Variants in PTPRT observed in about 807,000 individuals in gnomAD.
PTPRT encodes the protein protein tyrosine phosphatase receptor type T.
A neutral mutation model predicts 176.8 loss-of-function variants in PTPRT; 56 were observed. The observed-to-expected ratio is 0.32, with a 90% CI of 0.26 to 0.40. The LOEUF (loss-of-function observed/expected upper bound fraction) is 0.40, where lower values mean the gene tolerates loss of function less well. PTPRT is among the 10% of genes least tolerant of loss of function. The pLI is 1.00. For missense variants in PTPRT, 1,540 were observed against 1,908.2 expected (o/e 0.81, Z 3.60); for synonymous variants, 783 against 739.0 (o/e 1.06, Z -0.96).
intron 18 of PTPRT, among the ~76,000 whole-genome samples, chr20:42,133,578 G>T (rs1433271450): frequency 6.6e-6 from 1 of 152,124 alleles, no homozygotes; most frequent in Non-Finnish European, 1.5e-5. Flanking sequence ...GATGTTTAAG[G>T]CCGTGAAACT....
intron 1 of PTPRT, among the ~76,000 whole-genome samples, chr20:43,021,653 C>T (rs1985686347): frequency 6.6e-6 from 1 of 152,080 alleles, no homozygotes; most frequent in African/African-American, 2.4e-5. Context: ...CTAGCCCTAA[C>T]AGAAGAGATA....
chr20:43,035,943 A>T (rs541497902), intron 1 of PTPRT, among the ~76,000 whole-genome samples: 126 of 152,272 alleles, frequency 8.3e-4, no homozygotes, highest in Non-Finnish European at 1.6e-3. Flanking sequence ...GTTTGCCCTG[A>T]ACCATAAACA....
At chr20:42,164,321 T>A (rs904343746) in intron 16 of PTPRT, among the ~76,000 whole-genome samples, 14 of 152,192 alleles carry the variant, frequency 9.2e-5, no homozygotes, top group African/African-American at 3.4e-4. Flanking sequence ...CAAATAGCTG[T>A]CAATATGGAT....
chr20:42,743,414 C>T (rs2076641447), intron 6 of PTPRT, among the ~76,000 whole-genome samples: 1 of 152,184 alleles, frequency 6.6e-6, no homozygotes, highest in Admixed American at 6.5e-5. Flanking sequence ...AAGAAATCTA[C>T]CTGCCCAAGA....
intron 1 of PTPRT, chr20:42,969,418 C>CCAGTA (rs1212485297): frequency 1.3e-5 from 2 of 152,192 alleles, no homozygotes; most frequent in African/African-American, 4.8e-5. Context: ...CAAAGTCCAG[C>CCAGTA]CAGTACCACC....
At chr20:43,140,569 T>C (rs149036801) in intron 1 of PTPRT, among the ~76,000 whole-genome samples, 1 of 152,048 alleles carries the variant, frequency 6.6e-6, no homozygotes, top group Admixed American at 6.6e-5. Flanking sequence ...TTTTTTTAAT[T>C]AATACAATGG....
chr20:42,251,519 A>G (rs2056550856), intron 13 of PTPRT, among the ~76,000 whole-genome samples: 1 of 152,102 alleles, frequency 6.6e-6, no homozygotes, highest in South Asian at 2.1e-4. Flanking sequence ...TAAGGTTTGA[A>G]CAGAGAAGCA....
At chr20:42,841,353 G>A (rs1268920672) in intron 2 of PTPRT, among the ~76,000 whole-genome samples, 2 of 152,110 alleles carry the variant, frequency 1.3e-5, no homozygotes, top group Non-Finnish European at 2.9e-5. Flanking sequence ...AAACACAGAT[G>A]ATAATCCATG....
intron 9 of PTPRT, among the ~76,000 whole-genome samples, chr20:42,420,624 CTTGG>C (rs1411436327): frequency 3.9e-5 from 6 of 152,332 alleles, no homozygotes; most frequent in African/African-American, 1.4e-4. Context: ...CACATACTCA[CTTGG>C]TTACTGATGT....
chr20:42,714,064 G>T (rs925493652), intron 6 of PTPRT, among the ~76,000 whole-genome samples: 9 of 152,166 alleles, frequency 5.9e-5, no homozygotes, highest in African/African-American at 2.2e-4. Flanking sequence ...GAAGTAAGCA[G>T]AACCAAGCTC....
chr20:43,010,652 G>C (rs919173806), intron 1 of PTPRT, among the ~76,000 whole-genome samples: 1 of 151,656 alleles, frequency 6.6e-6, no homozygotes, highest in South Asian at 2.1e-4. Flanking sequence ...CATCATCATC[G>C]CATTATCATT....
intron 1 of PTPRT, among the ~76,000 whole-genome samples, chr20:42,939,164 C>A (rs967320146): frequency 4.6e-5 from 7 of 152,196 alleles, no homozygotes; most frequent in African/African-American, 1.4e-4. Flanking sequence ...CCCCAAATGG[C>A]AGTGCTTAGC....
rs553392875 is a variant in PTPRT, at chr20:42,097,604, C to G, written c.3846+817G>C. On this transcript the variant is annotated intron_variant, in intron 27 of 30. Coordinates refer to ENST00000373187, the MANE Select transcript of PTPRT (RefSeq NM_007050.6). ...ACAATGTGCTCATCTGTCTCTGGAG[C>G]AAGACCATGCGCTTTTGGAGGGCTG... is the stretch of plus-strand genomic sequence containing the variant. Among the ~76,000 whole-genome samples, 3 of 152,344 alleles carry G rather than the reference C, an allele frequency of 2.0e-5. No individual in the cohort carries two copies. The East Asian group carries it at 5.8e-4, about 29-fold the overall frequency.
chr20:43,131,694 T>C (rs1164359985), intron 1 of PTPRT, among the ~76,000 whole-genome samples: 1 of 152,160 alleles, frequency 6.6e-6, no homozygotes, highest in African/African-American at 2.4e-5. Flanking sequence ...GATACCAGCA[T>C]TTGACAAAGA....
At chr20:42,377,446 G>A (rs185070317) in intron 9 of PTPRT, among the ~76,000 whole-genome samples, 48 of 152,338 alleles carry the variant, frequency 3.2e-4, no homozygotes, top group African/African-American at 1.1e-3. Context: ...CCAGTGTTTT[G>A]CAAGCTTTAA....
chr20:42,990,401 T>C (rs1983839052), intron 1 of PTPRT, among the ~76,000 whole-genome samples: 1 of 152,192 alleles, frequency 6.6e-6, no homozygotes. Flanking sequence ...GATAATAAAA[T>C]CATCTGGTGC....
chr20:43,129,269 T>C (rs2013560717), intron 1 of PTPRT, among the ~76,000 whole-genome samples: 1 of 151,990 alleles, frequency 6.6e-6, no homozygotes, highest in Non-Finnish European at 1.5e-5. Context: ...CCTGATCCCA[T>C]ATGTCAGGAC....
chr20:42,999,142 A>C (rs977473351), intron 1 of PTPRT, among the ~76,000 whole-genome samples: 1 of 152,228 alleles, frequency 6.6e-6, no homozygotes, highest in African/African-American at 2.4e-5. Context: ...GCAGCCATTA[A>C]AATTAATGGT....
chr20:42,260,161 A>G (rs1339196638), intron 13 of PTPRT, among the ~76,000 whole-genome samples: 1 of 146,194 alleles, frequency 6.8e-6, no homozygotes, highest in Non-Finnish European at 1.5e-5. Flanking sequence ...CTCTGCTTAA[A>G]CAAAACTAGA....
Sources: allele counts gnomAD v4.1 joint callset (sites outside exome capture counted in the v4.1 genomes callset), GRCh38; gene constraint gnomAD v4.1.1; transcripts MANE v1.5; gene names NCBI Gene and HGNC (gene_info 2026-07-23, HGNC 2026-07-21).